Variants in PTPN14 observed in about 807,000 individuals in gnomAD.
PTPN14 encodes protein tyrosine phosphatase non-receptor type 14, also known as tyrosine-protein phosphatase non-receptor type 14.
PTPN14 carries 53 observed loss-of-function variants against 126.8 expected under a neutral mutation model. The observed-to-expected ratio is 0.42, with a 90% CI of 0.34 to 0.53. The LOEUF is 0.53. Among genes scored for constraint, PTPN14 ranks in the 20% least tolerant of loss-of-function variants. The pLI, the probability that PTPN14 is intolerant of heterozygous loss-of-function variation, is 0.08. For synonymous variants in PTPN14, 630 were observed against 599.3 expected (o/e 1.05, Z -0.75); for missense variants, 1,257 against 1,552.9 (o/e 0.81, Z 3.20).
chr1:214,374,848 A>G (rs949438194), intron 15 of PTPN14, among the ~76,000 whole-genome samples: 6 of 152,250 alleles, frequency 3.9e-5, no homozygotes, highest in Admixed American at 1.3e-4. Context: ...AAATAGTGGA[A>G]GAGATCTGGC....
At chr1:214,490,991 G>T (rs1661231301) in intron 1 of PTPN14, among the ~76,000 whole-genome samples, 1 of 111,656 alleles carries the variant, frequency 9.0e-6, no homozygotes, top group Admixed American at 9.6e-5. Flanking sequence ...AGGAAGGAAG[G>T]GAAGGAAAGG....
intron 15 of PTPN14, among the ~76,000 whole-genome samples, chr1:214,374,936 A>G (rs1658306284): frequency 6.6e-6 from 1 of 152,198 alleles, no homozygotes; most frequent in Admixed American, 6.5e-5. Flanking sequence ...TGTGATCTGC[A>G]TCTTTGTTGG....
intron 13 of PTPN14, among the ~76,000 whole-genome samples, chr1:214,378,337 A>G (rs1310961587): frequency 6.6e-6 from 1 of 152,232 alleles, no homozygotes; most frequent in African/African-American, 2.4e-5. Flanking sequence ...AGACCAATAA[A>G]TAAGAAAAAA....
At chr1:214,500,367 C>T (rs1461671485) in intron 1 of PTPN14, among the ~76,000 whole-genome samples, 1 of 152,126 alleles carries the variant, frequency 6.6e-6, no homozygotes, top group Non-Finnish European at 1.5e-5. Flanking sequence ...AACAACATCC[C>T]ATGTCAACTC....
At chr1:214,516,388 C>A (rs1653852048) in intron 1 of PTPN14, among the ~76,000 whole-genome samples, 1 of 152,138 alleles carries the variant, frequency 6.6e-6, no homozygotes, top group African/African-American at 2.4e-5. Flanking sequence ...GCAAGGATGG[C>A]AGTGACCAGT....
At chr1:214,486,528 A>G (rs1661116996) in intron 1 of PTPN14, among the ~76,000 whole-genome samples, 1 of 152,224 alleles carries the variant, frequency 6.6e-6, no homozygotes. Flanking sequence ...GTTGTATAAA[A>G]CTACTTACCA....
chr1:214,463,898 T>C (rs1220625147), intron 2 of PTPN14, among the ~76,000 whole-genome samples: 1 of 152,146 alleles, frequency 6.6e-6, no homozygotes, highest in Non-Finnish European at 1.5e-5. Flanking sequence ...GAAGTGTGGA[T>C]TGCTCACAAA....
At position 214,355,388 on chromosome 1, in the gene PTPN14, T is replaced by A. The variant is rs1393088225; in HGVS notation, c.*2534A>T. The stretch of plus-strand genomic sequence containing the variant: ...GTTCATCACGCAATAAACCAGTAAC[T>A]GAGACCACTTGCTAAAACATCCCTA... On this transcript the variant is annotated 3_prime_UTR_variant, in exon 19 of 19. Transcript: ENST00000366956. The A allele has an allele frequency of 1.3e-5, 2 of 152,174 alleles. No homozygotes were observed. The highest frequency in any genetic ancestry group is 2.9e-5 in the Non-Finnish European group (2 of 68,026). The allele number at this position is 152,174 out of a possible 1,614,324, so 9.4% of individuals were successfully genotyped here.
chr1:214,421,500 T>A (rs1045577342), intron 3 of PTPN14, among the ~76,000 whole-genome samples: 1 of 151,860 alleles, frequency 6.6e-6, no homozygotes. Flanking sequence ...TACTTTAAAG[T>A]GGTTAAAATG....
chr1:214,434,263 G>A (rs961159563), intron 3 of PTPN14, among the ~76,000 whole-genome samples: 1 of 152,194 alleles, frequency 6.6e-6, no homozygotes, highest in African/African-American at 2.4e-5. Context: ...AAATAGGCAG[G>A]TCAGAGATGA....
At position 214,399,826 on chromosome 1, in the gene PTPN14, T is replaced by G. The variant is rs568496168; in HGVS notation, c.670-1825A>C. Among the ~76,000 whole-genome samples the G allele has an allele frequency of 2.0e-5, 3 of 152,362 alleles. No homozygotes were observed. The South Asian group carries it at 6.2e-4, about 32-fold the overall frequency. On this transcript the variant is annotated intron_variant, in intron 7 of 18. Coordinates refer to ENST00000366956, the MANE Select transcript of PTPN14 (RefSeq NM_005401.5). ...ATTACTTTGTTTTTTGGTGAGACTT[T>G]CTCAGTTTTATCTTCTAACCTGTCT...
At chr1:214,452,427 A>G (rs1003373781) in intron 2 of PTPN14, among the ~76,000 whole-genome samples, 1 of 152,240 alleles carries the variant, frequency 6.6e-6, no homozygotes, top group African/African-American at 2.4e-5. Flanking sequence ...GCCAACTGAA[A>G]GCTTCTGCAC....
intron 5 of PTPN14, among the ~76,000 whole-genome samples, chr1:214,404,437 C>T (rs563544842): frequency 6.6e-6 from 1 of 152,242 alleles, no homozygotes; most frequent in South Asian, 2.1e-4. Flanking sequence ...AAAGATATCA[C>T]AAGGCTTAGA....
Position 214,384,513 on chromosome 1 carries a change from C to G in PTPN14, c.1342G>C (p.Val448Leu). 1 of 1,614,140 alleles carries G rather than the reference C, an allele frequency of 6.2e-7. No individual in the cohort carries two copies. Among genetic ancestry groups the G allele is most frequent in the Non-Finnish European group, 8.5e-7 (1 of 1,180,038 alleles). Reference protein sequence around the residue: ...SYRPTPDYETVMRQMKRGILH... With the variant: ...SYRPTPDYETLMRQMKRGILH... ...ATCCCCCTCTTCATCTGGCGCATGACTGTCTCATAATCGGGGGTTGGCCTG... is the reference window on the plus strand; with the variant it reads ...ATCCCCCTCTTCATCTGGCGCATGAGTGTCTCATAATCGGGGGTTGGCCTG... Residue 448 changes from valine to leucine, a missense_variant, in exon 13 of 19, where the codon GTC (valine) becomes CTC (leucine). Physicochemically the swap from Val to Leu is conservative, Grantham distance 32 (BLOSUM62 1). Transcript: ENST00000366956. This position sits in a 1 kb window ranked among gnomAD's most constrained non-coding sequence, Gnocchi z 5.3.
chr1:214,535,909 CT>C (rs1166071765), intron 1 of PTPN14, among the ~76,000 whole-genome samples: 50 of 152,196 alleles, frequency 3.3e-4, no homozygotes, highest in African/African-American at 1.2e-3. Context: ...TCTTTATGAC[CT>C]ACATTAGAAA....
chr1:214,469,269 T>C (rs975213976), intron 1 of PTPN14, among the ~76,000 whole-genome samples: 2 of 152,216 alleles, frequency 1.3e-5, no homozygotes, highest in African/African-American at 2.4e-5. Context: ...CCATTGCACA[T>C]ATGTTAAAAT....
intron 2 of PTPN14, among the ~76,000 whole-genome samples, chr1:214,453,572 AT>A (rs1660317103): frequency 7.0e-6 from 1 of 142,762 alleles, no homozygotes; most frequent in South Asian, 2.2e-4. Flanking sequence ...AAGTAACTAC[AT>A]CATAAGTGGT....
intron 3 of PTPN14, among the ~76,000 whole-genome samples, chr1:214,434,731 GA>G (rs1659874176): frequency 2.0e-5 from 3 of 152,134 alleles, no homozygotes; most frequent in African/African-American, 7.2e-5. Flanking sequence ...AGGACCCAGA[GA>G]AAAGGTGGAA....
At chr1:214,497,120 TG>T (rs779121628) in intron 1 of PTPN14, among the ~76,000 whole-genome samples, 2 of 149,688 alleles carry the variant, frequency 1.3e-5, no homozygotes. Flanking sequence ...GGGGCAGCGG[TG>T]GGGGGTCGGG....
Sources: allele counts gnomAD v4.1 joint callset (sites outside exome capture counted in the v4.1 genomes callset), GRCh38; gene constraint gnomAD v4.1.1; non-coding constraint Gnocchi (gnomAD v3.1); transcripts MANE v1.5; gene names NCBI Gene and HGNC (gene_info 2026-07-23, HGNC 2026-07-21).